QTGAL: variants seen among roughly 807,000 people sequenced by gnomAD.
QTGAL encodes queuosine-tRNA galactosyltransferase.
At chr17:82,942,475 G>C in the QTGAL span, 1 of 1,613,986 alleles carries the variant, frequency 6.2e-7, no homozygotes, top group Non-Finnish European at 8.5e-7. Context: ...GCCAGTCCTG[G>C]AGCCCATACC....
At chr17:83,032,484 G>C in the QTGAL span, among the ~76,000 whole-genome samples, 208 of 25,016 alleles carry the variant, frequency 8.3e-3, 19 homozygotes, top group African/African-American at 0.037. Context: ...GGCCTCCGAC[G>C]CAGACCGAAC....
At chr17:83,002,525 C>G in the QTGAL span, among the ~76,000 whole-genome samples, 13 of 152,216 alleles carry the variant, frequency 8.5e-5, no homozygotes, top group Admixed American at 8.5e-4. Flanking sequence ...CGGCCGCTAG[C>G]TCGTACAGGG....
the QTGAL span, chr17:82,961,350 A>C: frequency 4.8e-6 from 3 of 623,446 alleles, no homozygotes; most frequent in Non-Finnish European, 7.0e-6. Flanking sequence ...GGCGACCACA[A>C]CAGACGTGAG....
chr17:83,017,360 T>C, the QTGAL span, among the ~76,000 whole-genome samples: 1 of 152,156 alleles, frequency 6.6e-6, no homozygotes, highest in East Asian at 1.9e-4. Flanking sequence ...CAGTAGCTCA[T>C]GCCTGTAATC....
the QTGAL span, among the ~76,000 whole-genome samples, chr17:82,961,510 C>T: frequency 2.0e-5 from 3 of 152,204 alleles, no homozygotes; most frequent in African/African-American, 4.8e-5. Flanking sequence ...GTCAGGGTCT[C>T]ACAGCCACGG....
the QTGAL span, chr17:82,946,875 C>T: frequency 1.3e-6 from 2 of 1,548,938 alleles, no homozygotes; most frequent in Non-Finnish European, 8.7e-7. Flanking sequence ...GTGAAAAGAC[C>T]CACCTGGGAG....
At chr17:82,961,482 G>A in the QTGAL span, 1 of 419,202 alleles carries the variant, frequency 2.4e-6, no homozygotes, top group Non-Finnish European at 4.4e-6. Context: ...AGGCAGCCGA[G>A]GAAAGGGGCT....
the QTGAL span, among the ~76,000 whole-genome samples, chr17:83,001,962 A>G: frequency 6.6e-6 from 1 of 151,582 alleles, no homozygotes; most frequent in Non-Finnish European, 1.5e-5. Flanking sequence ...GGGTCTCACT[A>G]TATTGCGCAG....
the QTGAL span, among the ~76,000 whole-genome samples, chr17:83,001,135 G>T: frequency 6.6e-6 from 1 of 152,168 alleles, no homozygotes; most frequent in African/African-American, 2.4e-5. Flanking sequence ...ATCAACAAAG[G>T]TATACATCAA....
chr17:83,010,613 T>C, the QTGAL span, among the ~76,000 whole-genome samples: 1 of 152,224 alleles, frequency 6.6e-6, no homozygotes, highest in Non-Finnish European at 1.5e-5. Context: ...GCTCTGGGAC[T>C]TCCTCAGACA....
chr17:83,049,989 T>C, the QTGAL span, among the ~76,000 whole-genome samples: 2 of 152,306 alleles, frequency 1.3e-5, no homozygotes, highest in South Asian at 4.1e-4. Flanking sequence ...AAAAGAAAAG[T>C]TGAAATTGTG....
the QTGAL span, among the ~76,000 whole-genome samples, chr17:83,009,233 C>T: frequency 2.6e-5 from 4 of 151,980 alleles, no homozygotes; most frequent in Non-Finnish European, 5.9e-5. Flanking sequence ...ACCAGCCTGA[C>T]CAACATGGTG....
chr17:83,051,571 C>T, the QTGAL span, among the ~76,000 whole-genome samples: 2 of 152,134 alleles, frequency 1.3e-5, no homozygotes, highest in African/African-American at 4.8e-5. Context: ...CGCGCAGCCG[C>T]GCTCGCCCGC....
At chr17:82,949,896 C>T in the QTGAL span, 2 of 152,162 alleles carry the variant, frequency 1.3e-5, no homozygotes, top group African/African-American at 4.8e-5. Context: ...ACAACACCAG[C>T]GTGGGGATTT....
the QTGAL span, among the ~76,000 whole-genome samples, chr17:83,004,706 C>T: frequency 6.7e-6 from 1 of 150,322 alleles, no homozygotes; most frequent in Admixed American, 6.6e-5. Flanking sequence ...CCTGAGCCCG[C>T]CCTCCCACTC....
chr17:83,016,875 C>T, the QTGAL span, among the ~76,000 whole-genome samples: 3 of 152,108 alleles, frequency 2.0e-5, no homozygotes, highest in African/African-American at 4.8e-5. Flanking sequence ...GAACCACAGG[C>T]ACCACCTAAG....
chr17:83,051,437 C>T, the QTGAL span, among the ~76,000 whole-genome samples: 16 of 152,244 alleles, frequency 1.1e-4, no homozygotes, highest in East Asian at 2.3e-3. Context: ...AGCCCGGAAG[C>T]TTCAAAATCA....
the QTGAL span, among the ~76,000 whole-genome samples, chr17:83,015,828 C>T: frequency 1.1e-4 from 17 of 152,240 alleles, no homozygotes; most frequent in African/African-American, 1.9e-4. This position sits in a 1 kb window ranked among gnomAD's most constrained non-coding sequence, Gnocchi z 4.4. Flanking sequence ...CTAATGCTGA[C>T]GGCCTGAGGT....
At chr17:83,032,986 G>A in the QTGAL span, among the ~76,000 whole-genome samples, 2 of 152,228 alleles carry the variant, frequency 1.3e-5, no homozygotes, top group African/African-American at 4.8e-5. Flanking sequence ...AGGAACGGGC[G>A]GCTCCCGCGT....
Sources: gnomAD v4.1 joint callset for allele counts (sites outside exome capture counted in the v4.1 genomes callset) on GRCh38, gnomAD v4.1.1 for gene constraint, Gnocchi (gnomAD v3.1) non-coding constraint, MANE v1.5 for transcripts, NCBI Gene and HGNC (gene_info 2026-07-23, HGNC 2026-07-21) for gene names.